FBXO36: variants seen among roughly 807,000 people sequenced by gnomAD.
The protein encoded by FBXO36 is F-box protein 36.
A neutral mutation model predicts 17.0 loss-of-function variants in FBXO36; 18 were observed. The ratio of observed to expected loss-of-function variants is 1.06; its 90% CI spans 0.73 to 1.57. FBXO36 has a LOEUF of 1.57. Ranked by LOEUF, FBXO36 falls within the 40% of genes most tolerant of loss-of-function variation. The pLI is 0.00. For synonymous variants in FBXO36, 83 were observed against 85.3 expected (o/e 0.97, Z 0.15); for missense variants, 229 against 221.9 (o/e 1.03, Z -0.20).
intron 3 of FBXO36, among the ~76,000 whole-genome samples, chr2:230,006,262 A>G (rs920064584): frequency 4.6e-5 from 7 of 151,744 alleles, no homozygotes; most frequent in African/African-American, 1.7e-4. Flanking sequence ...TGCCCAGCTA[A>G]TTTTCGTATT....
At position 230,011,462 on chromosome 2, in the gene FBXO36, T is replaced by G. The variant is rs1355328723; in HGVS notation, c.*578T>G. 1 of 152,362 alleles carries G rather than the reference T, an allele frequency of 6.6e-6. No homozygotes were observed. Among genetic ancestry groups the G allele is most frequent in the Non-Finnish European group, 1.5e-5 (1 of 68,170 alleles). 9.4% of individuals were successfully genotyped at this position (152,362 alleles called of 1,614,324 possible). On this transcript the variant is annotated 3_prime_UTR_variant, in exon 4 of 4. Coordinates refer to ENST00000283946, the MANE Select transcript of FBXO36 (RefSeq NM_174899.5). ...CAGGATGCCAGGGTCCATCCCCGCA[T>G]GTAGACAGCTTCCGACCTGGTGCTG... is the stretch of plus-strand genomic sequence containing the variant.
intron 1 of FBXO36, among the ~76,000 whole-genome samples, chr2:229,965,351 TTTTA>T (rs1227211987): frequency 9.9e-5 from 15 of 150,896 alleles, no homozygotes; most frequent in South Asian, 6.2e-4. Context: ...TTTTTTTCTT[TTTTA>T]TTTATTTATT....
intron 1 of FBXO36, among the ~76,000 whole-genome samples, chr2:229,952,804 A>G (rs1394708591): frequency 2.0e-5 from 3 of 152,190 alleles, no homozygotes; most frequent in Non-Finnish European, 2.9e-5. Flanking sequence ...TGAGCTGTGC[A>G]ACTGATAACG....
At chr2:229,984,556 T>A (rs1260231172) in intron 2 of FBXO36, among the ~76,000 whole-genome samples, 1 of 151,308 alleles carries the variant, frequency 6.6e-6, no homozygotes. Context: ...GCCCGGCTAA[T>A]TTTTTATATT....
intron 1 of FBXO36, among the ~76,000 whole-genome samples, chr2:229,940,425 A>G (rs558117727): frequency 1.3e-5 from 2 of 152,282 alleles, no homozygotes; most frequent in South Asian, 2.1e-4. Context: ...CGTAATGCTT[A>G]GGTGTGTATC....
chr2:229,997,132 G>A (rs2077331759), intron 3 of FBXO36, among the ~76,000 whole-genome samples: 1 of 151,938 alleles, frequency 6.6e-6, no homozygotes, highest in Non-Finnish European at 1.5e-5. Context: ...TTATAATACA[G>A]CGTGATCAGT....
intron 1 of FBXO36, among the ~76,000 whole-genome samples, chr2:229,973,787 C>T (rs949786729): frequency 6.6e-6 from 1 of 150,740 alleles, no homozygotes; most frequent in Non-Finnish European, 1.5e-5. Flanking sequence ...TGGCTCATGA[C>T]TATAATCCCA....
chr2:229,975,799 AT>A (rs1217949366), intron 1 of FBXO36, among the ~76,000 whole-genome samples: 3 of 19,816 alleles, frequency 1.5e-4, no homozygotes, highest in East Asian at 1.5e-3. Flanking sequence ...ATTTTATTTT[AT>A]TTTTTTTGGT....
chr2:230,009,625 G>A (rs910262879), intron 3 of FBXO36, among the ~76,000 whole-genome samples: 4 of 152,128 alleles, frequency 2.6e-5, no homozygotes, highest in Admixed American at 6.5e-5. Flanking sequence ...CAGAAGATGG[G>A]GTGATGGTAG....
intron 3 of FBXO36, among the ~76,000 whole-genome samples, chr2:229,997,809 G>A (rs988801600): frequency 6.6e-6 from 1 of 152,158 alleles, no homozygotes; most frequent in African/African-American, 2.4e-5. Context: ...AGCACAGTTA[G>A]TGCTGATTTC....
At position 229,923,830 on chromosome 2, in the gene FBXO36, A is replaced by C. The variant is rs1389949058; in HGVS notation, c.96+1221A>C. Reference sequence around the variant, plus strand: ...AATACTGAAAGGTATCCTTTTCTGTACTTTTTTTTTGGTGTTGTTTTTTTT... The same window carrying C: ...AATACTGAAAGGTATCCTTTTCTGTCCTTTTTTTTTGGTGTTGTTTTTTTT... On this transcript the variant is annotated intron_variant, in intron 1 of 3. Transcript: ENST00000283946. Among the ~76,000 whole-genome samples, 13 of 137,660 alleles carry C rather than the reference A, an allele frequency of 9.4e-5. 1 individual carries two copies. Among genetic ancestry groups the C allele is most frequent in the Admixed American group, 6.4e-4 (9 of 14,014 alleles). 90.3% of individuals were successfully genotyped at this position (137,660 alleles called of 152,430 possible). A position where few individuals can be genotyped will look rare whatever the true frequency, so the allele number is the denominator to read the frequency against.
At chr2:229,962,326 G>A (rs1019508131) in intron 1 of FBXO36, among the ~76,000 whole-genome samples, 2 of 150,798 alleles carry the variant, frequency 1.3e-5, no homozygotes, top group Admixed American at 1.3e-4. Flanking sequence ...AGTTAATTTC[G>A]GTATCTTTTT....
At chr2:229,925,241 C>T (rs1203950279) in intron 1 of FBXO36, among the ~76,000 whole-genome samples, 1 of 152,056 alleles carries the variant, frequency 6.6e-6, no homozygotes, top group Non-Finnish European at 1.5e-5. Flanking sequence ...AAATCCACTA[C>T]ACTTCTACCA....
intron 1 of FBXO36, among the ~76,000 whole-genome samples, chr2:229,970,706 G>C (rs1490539940): frequency 6.6e-6 from 1 of 152,144 alleles, no homozygotes; most frequent in Non-Finnish European, 1.5e-5. Flanking sequence ...AGATCCTGAA[G>C]ATAGATAACT....
At chr2:229,965,877 C>G (rs1207564550) in intron 1 of FBXO36, among the ~76,000 whole-genome samples, 1 of 152,136 alleles carries the variant, frequency 6.6e-6, no homozygotes, top group Non-Finnish European at 1.5e-5. Context: ...GACTTACAAT[C>G]CTTTGGGTAT....
chr2:229,983,846 AC>A (rs1208075599), intron 2 of FBXO36, among the ~76,000 whole-genome samples: 1 of 152,122 alleles, frequency 6.6e-6, no homozygotes, highest in Non-Finnish European at 1.5e-5. Context: ...CATCTATCTC[AC>A]AGGATCCTTA....
At chr2:229,929,386 AC>A (rs1038436460) in intron 1 of FBXO36, among the ~76,000 whole-genome samples, 64 of 147,372 alleles carry the variant, frequency 4.3e-4, no homozygotes, top group Admixed American at 9.6e-4. Flanking sequence ...ACATGGTGAA[AC>A]CCCGTCTCTA....
intron 3 of FBXO36, among the ~76,000 whole-genome samples, chr2:230,000,249 T>C (rs181867335): frequency 1.1e-4 from 17 of 150,586 alleles, no homozygotes; most frequent in African/African-American, 3.7e-4. Context: ...TCCCAGGTAG[T>C]TGGGAGGCTG....
intron 1 of FBXO36, among the ~76,000 whole-genome samples, chr2:229,964,485 G>C (rs1316572076): frequency 6.6e-6 from 1 of 152,110 alleles, no homozygotes; most frequent in Non-Finnish European, 1.5e-5. Context: ...TTAATGCTTT[G>C]AGATTCAACT....
Sources: gnomAD v4.1 joint callset for allele counts (sites outside exome capture counted in the v4.1 genomes callset) on GRCh38, gnomAD v4.1.1 for gene constraint, MANE v1.5 for transcripts, NCBI Gene and HGNC (gene_info 2026-07-23, HGNC 2026-07-21) for gene names.